Variants in USP10 observed in about 807,000 individuals in gnomAD.
The protein encoded by USP10 is ubiquitin specific peptidase 10.
USP10 carries 22 observed loss-of-function variants against 84.5 expected under a neutral mutation model. The ratio of observed to expected loss-of-function variants is 0.26; its 90% CI spans 0.19 to 0.37. The LOEUF (loss-of-function observed/expected upper bound fraction) is 0.37, where lower values mean the gene tolerates loss of function less well. Ranked by LOEUF, USP10 falls within the 10% of genes least tolerant of loss-of-function variation. The pLI is 1.00. For missense variants in USP10, 1,019 were observed against 998.9 expected, an observed-to-expected ratio of 1.02 and a Z score of -0.27; for synonymous variants, 454 against 387.6, an observed-to-expected ratio of 1.17 and a Z score of -2.01.
chr16:84,715,151 AC>A (rs1906849462), intron 1 of USP10, among the ~76,000 whole-genome samples: 3 of 151,848 alleles, frequency 2.0e-5, no homozygotes, highest in Admixed American at 2.0e-4. Flanking sequence ...TCTGGTCTCG[AC>A]CTCCTGACCT....
At position 84,741,641 on chromosome 16, in the gene USP10, C is replaced by T. The variant is rs2150816605; in HGVS notation, c.151+1272C>T. Among the ~76,000 whole-genome samples, 4 of 152,294 alleles carry T rather than the reference C, an allele frequency of 2.6e-5. No homozygotes were observed. The Middle Eastern group carries it at 0.014, about 518-fold the overall frequency. The stretch of plus-strand genomic sequence containing the variant: ...TGACTGCTTCTTGGCCCTTTTTCTC[C>T]ATTCTTTACTCTGTTCCCTCTAAGT... On this transcript the variant is annotated intron_variant, in intron 3 of 13. Coordinates refer to ENST00000219473, the MANE Select transcript of USP10 (RefSeq NM_005153.3).
chr16:84,753,538 G>T (rs1912178396), intron 4 of USP10, among the ~76,000 whole-genome samples: 1 of 152,200 alleles, frequency 6.6e-6, no homozygotes, highest in Admixed American at 6.5e-5. Context: ...GCGTGGTGCA[G>T]CTCCTTACCT....
chr16:84,777,603 C>G (rs763538257), intron 13 of USP10, among the ~76,000 whole-genome samples: 3 of 152,166 alleles, frequency 2.0e-5, no homozygotes, highest in African/African-American at 7.2e-5. Flanking sequence ...CAGTCTCCTC[C>G]GGGGTCCCTG....
intron 11 of USP10, among the ~76,000 whole-genome samples, chr16:84,771,622 A>T (rs530168930): frequency 6.6e-6 from 1 of 152,296 alleles, no homozygotes; most frequent in East Asian, 1.9e-4. Context: ...TAATCTCAGC[A>T]CTTTGGGAGG....
At chr16:84,751,366 A>G (rs1015604683) in intron 4 of USP10, among the ~76,000 whole-genome samples, 1 of 152,186 alleles carries the variant, frequency 6.6e-6, no homozygotes, top group Non-Finnish European at 1.5e-5. Context: ...AATCATGCAT[A>G]TATTTCCCCC....
chr16:84,760,295 T>C lies in USP10; in HGVS notation c.1554+20T>C. The C allele has an allele frequency of 6.4e-7, 1 of 1,570,954 alleles. No individual in the cohort carries two copies. Among genetic ancestry groups the C allele is most frequent in the Non-Finnish European group, 8.7e-7 (1 of 1,153,612 alleles). ...GAAAAGGTTTGAGACTTCTCTGTTG[T>C]CACTAGTATCAAGTGTTGCCTTTTG... On this transcript the variant is annotated intron_variant, in intron 8 of 13. Transcript: ENST00000219473.
chr16:84,745,539 C>A lies in USP10; in HGVS notation c.1058C>A (p.Ser353Tyr), dbSNP rs747000715. The part of the protein sequence containing the change: ...ASLFHDSKPS[S>Y]SSPVAYVETK... ...CTCTTTCATGATTCTAAGCCCTCTT[C>A]CTCCTCGCCGGTGGCCTATGTGGAA... Residue 353 changes from serine to tyrosine, a missense_variant, in exon 4 of 14, where the codon TCC (serine) becomes TAC (tyrosine). Transcript: ENST00000219473. The A allele has an allele frequency of 1.2e-6, 2 of 1,613,074 alleles. No individual in the cohort carries two copies. Among genetic ancestry groups the A allele is most frequent in the Non-Finnish European group, 1.7e-6 (2 of 1,179,424 alleles).
chr16:84,735,320 T>A (rs924573423), intron 2 of USP10, among the ~76,000 whole-genome samples: 5 of 152,102 alleles, frequency 3.3e-5, no homozygotes, highest in Admixed American at 3.3e-4. Flanking sequence ...TGCTACAGGT[T>A]TTCTCAAGTG....
chr16:84,759,713 C>T, intron 6 of USP10, 178 bp from the exon 7 acceptor site: 1 of 724,598 alleles, frequency 1.4e-6, no homozygotes, highest in East Asian at 2.7e-5. Flanking sequence ...GCATATATCA[C>T]TTGAAATAGA....
At chr16:84,718,154 G>A (rs1487900076) in intron 1 of USP10, among the ~76,000 whole-genome samples, 1 of 152,190 alleles carries the variant, frequency 6.6e-6, no homozygotes, top group Non-Finnish European at 1.5e-5. Flanking sequence ...AGTGTTGGTA[G>A]TGAAAGTTAG....
At chr16:84,711,683 C>T (rs910813814) in intron 1 of USP10, among the ~76,000 whole-genome samples, 1 of 150,910 alleles carries the variant, frequency 6.6e-6, no homozygotes, top group Non-Finnish European at 1.5e-5. Flanking sequence ...TTTTCTTCCA[C>T]CTATAACTAG....
rs200845753 is a variant in USP10, at chr16:84,746,447, T to G, written c.1192+774T>G. Among the ~76,000 whole-genome samples, 354 of 152,372 alleles carry G rather than the reference T, an allele frequency of 2.3e-3. 8 individuals carry two copies. The East Asian group carries it at 0.059, about 26-fold the overall frequency. ...AGGTGGTAGAGCCTTAGGCTGGTGG[T>G]GCAGCCTATTACTCCCGGGCTGCAA... On this transcript the variant is annotated intron_variant, in intron 4 of 13. Transcript: ENST00000219473.
At chr16:84,777,148 G>T (rs55638897) in intron 13 of USP10, among the ~76,000 whole-genome samples, 52,494 of 152,136 alleles carry the variant, frequency 0.35, 9,825 homozygotes, top group East Asian at 0.65. Flanking sequence ...GCAATCTCGC[G>T]CACAAGCTTT....
At chr16:84,750,146 G>A (rs745708536) in intron 4 of USP10, among the ~76,000 whole-genome samples, 1 of 152,146 alleles carries the variant, frequency 6.6e-6, no homozygotes, top group African/African-American at 2.4e-5. Context: ...AGTGGCTCAC[G>A]CCTGTAATCC....
At chr16:84,730,500 T>C (rs763163827) in intron 1 of USP10, among the ~76,000 whole-genome samples, 15 of 152,184 alleles carry the variant, frequency 9.9e-5, no homozygotes, top group Non-Finnish European at 1.8e-4. Context: ...TAAGTAAAAC[T>C]AATAAATTTG....
At chr16:84,768,433 G>C in intron 11 of USP10, 75 bp downstream of exon 11, 1 of 1,379,202 alleles carries the variant, frequency 7.3e-7, no homozygotes, top group Non-Finnish European at 9.6e-7. Flanking sequence ...AATTAGGAAT[G>C]AGGGGAAATG....
intron 10 of USP10, among the ~76,000 whole-genome samples, chr16:84,765,921 G>T (rs1913806427): frequency 6.6e-6 from 1 of 152,178 alleles, no homozygotes. Flanking sequence ...GTGGAATTCA[G>T]CAAAACTTGT....
intron 10 of USP10, among the ~76,000 whole-genome samples, chr16:84,765,627 T>A (rs191081392): frequency 1.2e-4 from 19 of 152,318 alleles, no homozygotes; most frequent in African/African-American, 4.6e-4. Context: ...TGAATAGTGT[T>A]CCCTTGTCTA....
At chr16:84,722,328 C>G (rs1227014049) in intron 1 of USP10, among the ~76,000 whole-genome samples, 2 of 152,202 alleles carry the variant, frequency 1.3e-5, no homozygotes, top group East Asian at 1.9e-4. Flanking sequence ...GTTTGCTTGT[C>G]TCTTTCCTCT....
Sources: gnomAD v4.1 joint callset for allele counts (sites outside exome capture counted in the v4.1 genomes callset) on GRCh38, gnomAD v4.1.1 for gene constraint, MANE v1.5 for transcripts, NCBI Gene and HGNC (gene_info 2026-07-23, HGNC 2026-07-21) for gene names.